The following GALK2 variants were observed in gnomAD, a reference collection of about 807,000 sequenced individuals.
GALK2 encodes the protein galactokinase 2, also known as N-acetylgalactosamine kinase.
GALK2 carries 36 observed loss-of-function variants against 52.4 expected under a neutral mutation model. The ratio of observed to expected loss-of-function variants is 0.69; its 90% CI spans 0.53 to 0.91. The LOEUF is 0.91. GALK2 is among the 40% of genes least tolerant of loss of function. The pLI is 0.00. For missense variants in GALK2, 579 were observed against 559.1 expected (o/e 1.04, Z -0.36); for synonymous variants, 176 against 199.1 (o/e 0.88, Z 0.98).
Position 49,331,595 on chromosome 15 carries a change from T to C in GALK2, c.*3436T>C. 1 of 534,926 alleles carries C rather than the reference T, an allele frequency of 1.9e-6. No homozygotes were observed. The highest frequency in any genetic ancestry group is 3.3e-6 in the Non-Finnish European group (1 of 302,708). 33.1% of individuals were successfully genotyped at this position (534,926 alleles called of 1,614,324 possible). A position where few individuals can be genotyped will look rare whatever the true frequency, so the allele number is the denominator to read the frequency against. The stretch of plus-strand genomic sequence containing the variant: ...TGGAAATGGGGAATGTGAACATGAG[T>C]TGTCACTAAATATGTAAAACAGATT... On this transcript the variant is annotated 3_prime_UTR_variant, in exon 10 of 10. Transcript: ENST00000560031.
intron 5 of GALK2, among the ~76,000 whole-genome samples, chr15:49,261,452 T>C (rs2092105781): frequency 6.6e-6 from 1 of 151,858 alleles, no homozygotes; most frequent in Non-Finnish European, 1.5e-5. Context: ...GCTTATCAGC[T>C]TAAGGAGATT....
Position 49,204,188 on chromosome 15 carries a change from T to A in GALK2, c.142+2938T>A, listed in dbSNP as rs187880679. On this transcript the variant is annotated intron_variant, in intron 2 of 9. Coordinates refer to ENST00000560031, the MANE Select transcript of GALK2 (RefSeq NM_002044.4). ...CTCTATTCTGTTCTATTGGTCTGTATGTCTGTTTTTACGCCAAAACCATAG... is the reference window on the plus strand; with the variant it reads ...CTCTATTCTGTTCTATTGGTCTGTAAGTCTGTTTTTACGCCAAAACCATAG... Among the ~76,000 whole-genome samples the A allele has an allele frequency of 2.0e-4, 31 of 152,156 alleles. No individual in the cohort carries two copies. The East Asian group carries it at 5.8e-3, about 28-fold the overall frequency.
chr15:49,165,643 T>G (rs2084794721), upstream of GALK2, among the ~76,000 whole-genome samples: 1 of 152,128 alleles, frequency 6.6e-6, no homozygotes, highest in Non-Finnish European at 1.5e-5. Flanking sequence ...AAATATTATA[T>G]TTAAAATGAT....
chr15:49,206,895 T>G (rs1200048375), intron 2 of GALK2, among the ~76,000 whole-genome samples: 1 of 152,046 alleles, frequency 6.6e-6, no homozygotes, highest in Non-Finnish European at 1.5e-5. Context: ...GTGGTGAGAG[T>G]GGGCATCTTA....
rs1352798948 is a variant in GALK2, at chr15:49,359,363, A to T, written c.427-8128A>T. Reference sequence around the variant, plus strand: ...ATCTGACAAAGGGCTAATATCCAGAATCTACAATAAACTCAAACAAATTTA... The same window carrying T: ...ATCTGACAAAGGGCTAATATCCAGATTCTACAATAAACTCAAACAAATTTA... On this transcript the variant is annotated intron_variant, in intron 3 of 3. Transcript: ENST00000558399. Among the ~76,000 whole-genome samples the T allele has an allele frequency of 3.3e-5, 4 of 120,036 alleles. 1 individual carries two copies. Among genetic ancestry groups the T allele is most frequent in the African/African-American group, 9.6e-5 (3 of 31,170 alleles). 78.7% of individuals were successfully genotyped at this position (120,036 alleles called of 152,430 possible).
chr15:49,168,320 C>T (rs536206303), upstream of GALK2, among the ~76,000 whole-genome samples: 4 of 151,658 alleles, frequency 2.6e-5, no homozygotes, highest in Non-Finnish European at 5.9e-5. Context: ...TTTTTTTTAA[C>T]CCTGTATAAA....
chr15:49,266,726 T>TG (rs1284556029), intron 5 of GALK2, among the ~76,000 whole-genome samples: 5 of 152,188 alleles, frequency 3.3e-5, no homozygotes, highest in Non-Finnish European at 1.5e-5. Flanking sequence ...GATCTATGAA[T>TG]GGTGATAAAG....
intron 3 of GALK2, among the ~76,000 whole-genome samples, chr15:49,355,800 A>C (rs555087477): frequency 1.3e-5 from 2 of 152,180 alleles, no homozygotes; most frequent in African/African-American, 4.8e-5. Flanking sequence ...AGATTCACCA[A>C]AGTTGAAATG....
At chr15:49,185,297 A>G (rs907060017) in intron 1 of GALK2, among the ~76,000 whole-genome samples, 2 of 152,188 alleles carry the variant, frequency 1.3e-5, no homozygotes, top group East Asian at 1.9e-4. Context: ...TTTTACTGCA[A>G]AGAATATGGT....
chr15:49,335,016 G>C (rs2039456013), downstream of GALK2, among the ~76,000 whole-genome samples: 3 of 152,304 alleles, frequency 2.0e-5, no homozygotes, highest in African/African-American at 7.2e-5. Context: ...GGACTTTGCT[G>C]TCTTGATTTC....
chr15:49,271,634 T>G (rs531911190), intron 5 of GALK2, among the ~76,000 whole-genome samples: 2 of 152,338 alleles, frequency 1.3e-5, no homozygotes, highest in African/African-American at 4.8e-5. Context: ...TTCAGTTTCT[T>G]CATTATAAAA....
chr15:49,320,412 C>A (rs2036782924), intron 9 of GALK2, among the ~76,000 whole-genome samples: 1 of 152,176 alleles, frequency 6.6e-6, no homozygotes, highest in Non-Finnish European at 1.5e-5. Flanking sequence ...AACTCTTTCA[C>A]AAAGCCTAAA....
Position 49,258,584 on chromosome 15 carries a change from A to T in GALK2, c.504+19217A>T, listed in dbSNP as rs12905664. Among the ~76,000 whole-genome samples the T allele has an allele frequency of 4.3e-3, 649 of 152,130 alleles. 3 individuals carry two copies. Among genetic ancestry groups the T allele is most frequent in the Admixed American group, 9.8e-3 (150 of 15,270 alleles). ...TTACATGCTTTAACCACTGTGCTAT[A>T]CACCCACATGATGTAATAGAGCAGA... On this transcript the variant is annotated intron_variant, in intron 5 of 9. Transcript: ENST00000560031.
At position 49,321,897 on chromosome 15, in the gene GALK2, A is replaced by G. The variant is rs2036900881; in HGVS notation, c.1169+2092A>G. On this transcript the variant is annotated intron_variant, in intron 9 of 9. Transcript: ENST00000560031. ...CATAGTTTCCAGCATTTGAACATTA[A>G]GCAAAGTCATGTTGAGCAGGAACGT... Among the ~76,000 whole-genome samples the G allele has an allele frequency of 2.0e-5, 3 of 152,232 alleles. No individual in the cohort carries two copies. The South Asian group carries it at 6.2e-4, about 32-fold the overall frequency.
chr15:49,165,228 T>C (rs954632294), intron 1 of GALK2, among the ~76,000 whole-genome samples: 6 of 152,202 alleles, frequency 3.9e-5, no homozygotes, highest in African/African-American at 1.4e-4. Flanking sequence ...TAATTTCAGA[T>C]GGCCTTAAAG....
At chr15:49,177,659 T>C in intron 1 of GALK2, 1 of 294,672 alleles carries the variant, frequency 3.4e-6, no homozygotes, top group Non-Finnish European at 6.3e-6. Context: ...ACAGTGAGAA[T>C]CACCAGGAGT....
chr15:49,258,794 A>ATGTGTGTGTGTGTG (rs35306007), intron 5 of GALK2, among the ~76,000 whole-genome samples: 1 of 103,736 alleles, frequency 9.6e-6, no homozygotes, highest in South Asian at 3.7e-4. Context: ...ATATATATAT[A>ATGTGTGTGTGTGTG]TGTGTGTGTG....
At chr15:49,309,632 T>C (rs2035827030) in intron 8 of GALK2, among the ~76,000 whole-genome samples, 1 of 152,032 alleles carries the variant, frequency 6.6e-6, no homozygotes, top group African/African-American at 2.4e-5. Context: ...TTTTTTGTTT[T>C]TTTTTGAGAT....
intron 1 of GALK2, among the ~76,000 whole-genome samples, chr15:49,172,462 G>A (rs1214631756): frequency 6.6e-6 from 1 of 152,066 alleles, no homozygotes; most frequent in East Asian, 1.9e-4. Flanking sequence ...ATTCTAGGAG[G>A]GATGTATTTT....
Sources: gnomAD v4.1 joint callset for allele counts (sites outside exome capture counted in the v4.1 genomes callset) on GRCh38, gnomAD v4.1.1 for gene constraint, MANE v1.5 for transcripts, NCBI Gene and HGNC (gene_info 2026-07-23, HGNC 2026-07-21) for gene names.